Variants in CLIP4 observed in about 807,000 individuals in gnomAD.
The protein encoded by CLIP4 is CAP-Gly domain-containing linker protein 4.
In CLIP4, 47 loss-of-function variants were observed where a neutral mutation model predicts 73.1. The observed-to-expected ratio is 0.64, with a 90% CI of 0.51 to 0.82. The LOEUF (loss-of-function observed/expected upper bound fraction) is 0.82, where lower values mean the gene tolerates loss of function less well. CLIP4 is among the 40% of genes least tolerant of loss of function. CLIP4 has a pLI of 0.00. For missense variants in CLIP4, 874 were observed against 852.9 expected, an observed-to-expected ratio of 1.02 and a Z score of -0.31; for synonymous variants, 306 against 295.4, an observed-to-expected ratio of 1.04 and a Z score of -0.37.
At chr2:29,137,482 CAT>C (rs1156481567) in intron 6 of CLIP4, among the ~76,000 whole-genome samples, 1 of 152,148 alleles carries the variant, frequency 6.6e-6, no homozygotes. Flanking sequence ...CTGTGAAAAA[CAT>C]ATGAGTGCAG....
Position 29,129,191 on chromosome 2 carries a change from T to C in CLIP4, c.134-2067T>C, listed in dbSNP as rs577938872. ...GTAATTCACTTGTCTAACATGAGCT[T>C]ATTTGACTAGTAGACCTACATAGAA... On this transcript the variant is annotated intron_variant, in intron 2 of 15. Transcript: ENST00000320081. Among the ~76,000 whole-genome samples, 462 of 152,314 alleles carry C rather than the reference T, an allele frequency of 3.0e-3. 3 individuals are homozygous for C. Among genetic ancestry groups the C allele is most frequent in the Non-Finnish European group, 3.9e-3 (264 of 67,996 alleles).
At chr2:29,099,951 T>A (rs1423054724) in intron 1 of CLIP4, among the ~76,000 whole-genome samples, 4 of 152,246 alleles carry the variant, frequency 2.6e-5, no homozygotes, top group Non-Finnish European at 5.9e-5. Context: ...TTGATGCTAA[T>A]GTAAATGGTA....
upstream of CLIP4, among the ~76,000 whole-genome samples, chr2:29,111,705 G>C (rs77994241): frequency 0.023 from 3,557 of 152,208 alleles, 115 homozygotes; most frequent in East Asian, 0.091. Context: ...TTTGAACATA[G>C]CACATGTTTT....
intron 8 of CLIP4, among the ~76,000 whole-genome samples, chr2:29,147,147 T>G (rs144425829): frequency 6.6e-6 from 1 of 152,158 alleles, no homozygotes; most frequent in Non-Finnish European, 1.5e-5. Context: ...TTCCTTTAAT[T>G]TTTCCAATTT....
chr2:29,106,381 A>G (rs75999930), intron 1 of CLIP4, among the ~76,000 whole-genome samples: 3,554 of 152,198 alleles, frequency 0.023, 118 homozygotes, highest in East Asian at 0.091. Context: ...CCTGCAATGT[A>G]CTTCCATCTT....
Position 29,143,769 on chromosome 2 carries a change from A to T in CLIP4, c.709A>T (p.Met237Leu). 1 of 1,613,990 alleles carries T rather than the reference A, an allele frequency of 6.2e-7. No individual in the cohort carries two copies. Among genetic ancestry groups the T allele is most frequent in the Non-Finnish European group, 8.5e-7 (1 of 1,179,884 alleles). ...AGACCCAGTAGATATGCCGTTAGAG[A>T]TGGCTGACGCCGCAGCCACTGCTAA... ...VPDPVDMPLEMADAAATAKEI... is the reference protein window; with the variant it reads ...VPDPVDMPLELADAAATAKEI... The change falls in exon 7 of 16, where the codon ATG (methionine) becomes TTG (leucine). Residue 237 changes from methionine (M) to leucine (L), a missense_variant. Coordinates refer to ENST00000320081, the MANE Select transcript of CLIP4 (RefSeq NM_024692.6).
intron 9 of CLIP4, among the ~76,000 whole-genome samples, chr2:29,155,835 C>A (rs1338612872): frequency 6.6e-6 from 1 of 152,150 alleles, no homozygotes; most frequent in African/African-American, 2.4e-5. Flanking sequence ...TCTGTTCATG[C>A]CAGTATTCCT....
chr2:29,128,425 T>C (rs1311299774), intron 2 of CLIP4, among the ~76,000 whole-genome samples: 1 of 151,710 alleles, frequency 6.6e-6, no homozygotes, highest in Non-Finnish European at 1.5e-5. Context: ...GAGAAAGCCA[T>C]GTAGTTGTTA....
intron 1 of CLIP4, among the ~76,000 whole-genome samples, chr2:29,101,657 C>T (rs1306390753): frequency 6.6e-6 from 1 of 152,170 alleles, no homozygotes; most frequent in Non-Finnish European, 1.5e-5. Context: ...AGGAGCAATA[C>T]TTTGCATCCT....
At chr2:29,150,486 G>T (rs1021669142) in intron 8 of CLIP4, among the ~76,000 whole-genome samples, 1 of 152,016 alleles carries the variant, frequency 6.6e-6, no homozygotes, top group Non-Finnish European at 1.5e-5. Flanking sequence ...TGACATTAAT[G>T]ACACAAATCA....
intron 3 of CLIP4, chr2:29,131,949 C>G (rs1181431844): frequency 8.3e-6 from 4 of 483,720 alleles, no homozygotes; most frequent in African/African-American, 8.1e-5. Context: ...GAATTTCCTT[C>G]AGCCTGCTGA....
chr2:29,132,031 T>C (rs180843843), intron 3 of CLIP4, 121 bp from the exon 4 acceptor site: 13 of 693,528 alleles, frequency 1.9e-5, no homozygotes, highest in Non-Finnish European at 3.1e-5. Context: ...TCATACTGTC[T>C]ATACATTTTA....
At chr2:29,178,984 A>G (rs986389648) in intron 15 of CLIP4, among the ~76,000 whole-genome samples, 2 of 152,008 alleles carry the variant, frequency 1.3e-5, no homozygotes, top group African/African-American at 2.4e-5. Flanking sequence ...TTGTACAGCC[A>G]GGGTTTCACC....
At chr2:29,122,902 C>T (rs528608843) in intron 2 of CLIP4, among the ~76,000 whole-genome samples, 3 of 152,004 alleles carry the variant, frequency 2.0e-5, no homozygotes, top group Admixed American at 6.5e-5. Context: ...GAACCTTTCC[C>T]CACTCACCTC....
At chr2:29,118,621 C>T (rs906646654) in intron 1 of CLIP4, among the ~76,000 whole-genome samples, 5 of 151,280 alleles carry the variant, frequency 3.3e-5, no homozygotes, top group East Asian at 2.0e-4. Context: ...CAGGTTCAAG[C>T]GATTCTTCTG....
At chr2:29,120,214 G>A (rs368023457) in intron 1 of CLIP4, among the ~76,000 whole-genome samples, 1 of 152,178 alleles carries the variant, frequency 6.6e-6, no homozygotes, top group Non-Finnish European at 1.5e-5. Context: ...ACTGGATTAG[G>A]TTACCTAATA....
At chr2:29,131,495 C>T in intron 3 of CLIP4, 98 bp downstream of exon 3, 1 of 1,286,314 alleles carries the variant, frequency 7.8e-7, no homozygotes, top group Non-Finnish European at 1.1e-6. Flanking sequence ...AAAGGAGAAA[C>T]CCTTTAAAAG....
At chr2:29,126,165 A>G (rs1272963757) in intron 2 of CLIP4, among the ~76,000 whole-genome samples, 2 of 152,248 alleles carry the variant, frequency 1.3e-5, no homozygotes, top group Non-Finnish European at 2.9e-5. Flanking sequence ...AGCCTGGGCG[A>G]GAGAGTGAGA....
chr2:29,109,318 G>A (rs1177057050), intron 1 of CLIP4, among the ~76,000 whole-genome samples: 1 of 152,112 alleles, frequency 6.6e-6, no homozygotes, highest in Non-Finnish European at 1.5e-5. Flanking sequence ...AATGCCATGT[G>A]ACATTCCTTT....
Sources: gnomAD v4.1 joint callset for allele counts (sites outside exome capture counted in the v4.1 genomes callset) on GRCh38, gnomAD v4.1.1 for gene constraint, MANE v1.5 for transcripts, NCBI Gene and HGNC (gene_info 2026-07-23, HGNC 2026-07-21) for gene names.